The following MYO3A variants were observed in gnomAD, a reference collection of about 807,000 sequenced individuals.
MYO3A encodes the protein myosin IIIA.
MYO3A carries 180 observed loss-of-function variants against 192.7 expected under a neutral mutation model. The observed-to-expected ratio is 0.93, with a 90% CI of 0.83 to 1.06. The LOEUF is 1.06. Among genes scored for constraint, MYO3A ranks in the 50% least tolerant of loss-of-function variants. The pLI is 0.00. For synonymous variants in MYO3A, 628 were observed against 645.3 expected, an observed-to-expected ratio of 0.97 and a Z score of 0.41; for missense variants, 1,896 against 1,905.0, an observed-to-expected ratio of 1.00 and a Z score of 0.09.
chr10:26,103,289 C>T (rs543927961), intron 17 of MYO3A, among the ~76,000 whole-genome samples: 3 of 152,334 alleles, frequency 2.0e-5, no homozygotes, highest in South Asian at 2.1e-4. Context: ...CCATCTGTCA[C>T]GGCTTCCCTT....
Position 26,189,814 on chromosome 10 carries a change from C to T in MYO3A, c.4439-3391C>T, listed in dbSNP as rs545230630. Among the ~76,000 whole-genome samples the T allele has an allele frequency of 1.5e-3, 228 of 152,032 alleles. 1 individual carries two copies. The highest frequency in any genetic ancestry group is 5.2e-3 in the African/African-American group (217 of 41,368). On this transcript the variant is annotated intron_variant, in intron 31 of 34. Transcript: ENST00000642920. ...GGTGTGGTGGCTCACGCCTGTAATC[C>T]CAGCACTTTGGGAGGCTGAGGCGAG...
chr10:26,012,507 A>G (rs1417285916), intron 6 of MYO3A, among the ~76,000 whole-genome samples: 1 of 152,152 alleles, frequency 6.6e-6, no homozygotes, highest in African/African-American at 2.4e-5. Flanking sequence ...AAACAAAATA[A>G]AAATACTCAG....
chr10:26,021,554 A>C lies in MYO3A; in HGVS notation c.637A>C (p.Thr213Pro). ...TACCACTTATGACGCCAGATGTGAC[A>C]CTTGGTCCCTGGGTATCACGGCCAT... is the stretch of plus-strand genomic sequence containing the variant. ...LDTTYDARCD[T>P]WSLGITAIEL... Residue 213 changes from threonine (T) to proline (P), a missense_variant, in exon 8 of 35, where the codon ACT becomes CCT. Physicochemically the swap from Thr to Pro is conservative, Grantham distance 38. Transcript: ENST00000642920. The C allele has an allele frequency of 6.2e-7, 1 of 1,614,130 alleles. No homozygotes were observed. The highest frequency in any genetic ancestry group is 8.5e-7 in the Non-Finnish European group (1 of 1,179,958).
intron 6 of MYO3A, 80 bp from the exon 7 acceptor site, chr10:26,016,740 T>C: frequency 7.5e-7 from 1 of 1,330,944 alleles, no homozygotes; most frequent in East Asian, 2.3e-5. Flanking sequence ...TAATATTAGT[T>C]TGCAAAAAAG....
At chr10:26,203,171 A>T in intron 34 of MYO3A, 64 bp downstream of exon 34, 2 of 1,526,890 alleles carry the variant, frequency 1.3e-6, no homozygotes, top group Non-Finnish European at 1.8e-6. Context: ...ATTTCTTAAG[A>T]TATTTCACTT....
chr10:26,135,306 G>A (rs2131798518), intron 20 of MYO3A, among the ~76,000 whole-genome samples: 1 of 151,710 alleles, frequency 6.6e-6, no homozygotes, highest in South Asian at 2.1e-4. Flanking sequence ...CTTCTTCATA[G>A]GATATTACTT....
intron 14 of MYO3A, among the ~76,000 whole-genome samples, chr10:26,082,050 T>G (rs958753606): frequency 6.6e-6 from 1 of 152,204 alleles, no homozygotes; most frequent in Non-Finnish European, 1.5e-5. Flanking sequence ...CGCTGCTCTT[T>G]CTGGAGCTGC....
At chr10:26,161,750 A>C (rs1209798385) in intron 26 of MYO3A, among the ~76,000 whole-genome samples, 1 of 152,216 alleles carries the variant, frequency 6.6e-6, no homozygotes, top group South Asian at 2.1e-4. Flanking sequence ...TCATCAATAC[A>C]TATTAGCTAT....
intron 6 of MYO3A, among the ~76,000 whole-genome samples, chr10:25,997,945 A>G (rs556252332): frequency 4.6e-5 from 7 of 152,354 alleles, no homozygotes; most frequent in African/African-American, 1.7e-4. Flanking sequence ...GTGAGAATGG[A>G]TGACAGTAAT....
At chr10:26,163,021 A>C (rs1408077225) in intron 26 of MYO3A, among the ~76,000 whole-genome samples, 1 of 152,270 alleles carries the variant, frequency 6.6e-6, no homozygotes, top group Non-Finnish European at 1.5e-5. Flanking sequence ...GAAGGCATAG[A>C]AGCATGAGCA....
Position 26,174,359 on chromosome 10 carries a change from GT to G in MYO3A, c.4097del (p.Leu1366Ter). ...ACCGGGGTTACAAGAGAAGGCAGCA[GT>G]TGAGGAAGGACAAGATGTCTTCTTT... ...KYRGYKRRQQ[L>X]RKDKMSSFKH... On this transcript the variant is annotated frameshift_variant, in exon 30 of 35. Transcript: ENST00000642920. LOFTEE classifies it high-confidence loss of function. 1 of 1,614,180 alleles carries G rather than the reference GT, an allele frequency of 6.2e-7. No homozygotes were observed.
At chr10:26,081,255 T>C (rs1021295745) in intron 14 of MYO3A, among the ~76,000 whole-genome samples, 1 of 150,208 alleles carries the variant, frequency 6.7e-6, no homozygotes, top group African/African-American at 2.5e-5. Flanking sequence ...CTGTGTGGGA[T>C]GGGGGTGAGA....
rs1360218034 is a variant in MYO3A, at chr10:26,146,366, T to C, written c.2505+832T>C. Among the ~76,000 whole-genome samples, 5 of 152,290 alleles carry C rather than the reference T, an allele frequency of 3.3e-5. No individual in the cohort carries two copies. The East Asian group carries it at 9.6e-4, about 29-fold the overall frequency. On this transcript the variant is annotated intron_variant, in intron 22 of 34. Transcript: ENST00000642920. ...TATCTAAAGTTATCTAAAGAAACAATCTATTAGTCTGCTCGGGCTGCCATA... is the reference window on the plus strand; with the variant it reads ...TATCTAAAGTTATCTAAAGAAACAACCTATTAGTCTGCTCGGGCTGCCATA...
chr10:26,169,911 T>C (rs1841959727), intron 28 of MYO3A, among the ~76,000 whole-genome samples: 1 of 152,228 alleles, frequency 6.6e-6, no homozygotes, highest in South Asian at 2.1e-4. Context: ...CCCAACTTAG[T>C]AAAAATATTC....
intron 30 of MYO3A, among the ~76,000 whole-genome samples, chr10:26,175,238 C>T (rs1842267579): frequency 1.3e-5 from 2 of 152,206 alleles, no homozygotes; most frequent in South Asian, 4.1e-4. Flanking sequence ...CTGATACATA[C>T]AATTTATCTC....
At chr10:26,037,759 A>G (rs1843117095) in intron 10 of MYO3A, among the ~76,000 whole-genome samples, 1 of 152,164 alleles carries the variant, frequency 6.6e-6, no homozygotes, top group Admixed American at 6.5e-5. Context: ...GAGACTTACC[A>G]TCATGGTGGA....
chr10:26,084,841 G>T (rs542713537), intron 14 of MYO3A, among the ~76,000 whole-genome samples: 192 of 152,306 alleles, frequency 1.3e-3, no homozygotes, highest in African/African-American at 4.3e-3. Context: ...AGAAGTATTG[G>T]TATTGATTTT....
intron 32 of MYO3A, among the ~76,000 whole-genome samples, chr10:26,199,765 T>A (rs1225154764): frequency 6.6e-6 from 1 of 152,104 alleles, no homozygotes; most frequent in Non-Finnish European, 1.5e-5. Context: ...ATTTGATTCT[T>A]GGTTATATAA....
intron 10 of MYO3A, among the ~76,000 whole-genome samples, chr10:26,035,708 T>C (rs551793064): frequency 6.6e-6 from 1 of 152,334 alleles, no homozygotes; most frequent in South Asian, 2.1e-4. Context: ...TCAAGTATAA[T>C]GATTTTTCAG....
Sources: allele counts gnomAD v4.1 joint callset (sites outside exome capture counted in the v4.1 genomes callset), GRCh38; gene constraint gnomAD v4.1.1; transcripts MANE v1.5; gene names NCBI Gene and HGNC (gene_info 2026-07-23, HGNC 2026-07-21).